The following TMEM131 variants were observed in gnomAD, a reference collection of about 807,000 sequenced individuals.
TMEM131 encodes transmembrane protein 131, also known as 2610524E03Rik.
In TMEM131, 66 loss-of-function variants were observed where a neutral mutation model predicts 211.6. The ratio of observed to expected loss-of-function variants is 0.31; its 90% CI spans 0.26 to 0.38. TMEM131 has a LOEUF of 0.38. Ranked by LOEUF, TMEM131 falls within the 10% of genes least tolerant of loss-of-function variation. The pLI is 1.00. For synonymous variants in TMEM131, 844 were observed against 841.3 expected, an observed-to-expected ratio of 1.00 and a Z score of -0.06; for missense variants, 2,036 against 2,299.3, an observed-to-expected ratio of 0.89 and a Z score of 2.34.
intron 1 of TMEM131, among the ~76,000 whole-genome samples, chr2:97,946,566 A>G (rs1047036636): frequency 5.3e-4 from 81 of 152,164 alleles, no homozygotes; most frequent in African/African-American, 1.8e-3. Context: ...GAATAGGCTT[A>G]TATGTACTTA....
intron 1 of TMEM131, 99 bp downstream of exon 1, chr2:97,995,377 G>A (rs966040588): frequency 9.6e-5 from 115 of 1,197,086 alleles, no homozygotes; most frequent in Admixed American, 1.7e-4. Flanking sequence ...CTTTGCGCCG[G>A]AGCCCCGGCC....
intron 4 of TMEM131, among the ~76,000 whole-genome samples, chr2:97,876,479 G>C (rs532905403): frequency 6.6e-6 from 1 of 150,496 alleles, no homozygotes; most frequent in South Asian, 2.1e-4. Context: ...AAACTGAATA[G>C]CACATCAAAA....
At position 97,796,348 on chromosome 2, in the gene TMEM131, T is replaced by A; in HGVS notation, c.3070A>T (p.Thr1024Ser). 6.5e-7 allele frequency: 1 copy of A among 1,549,688 alleles called. No homozygotes were observed. The highest frequency in any genetic ancestry group is 1.2e-5 in the South Asian group (1 of 81,824). ...TLKRTFKVEN[T>S]GQLQIHIETI... ...TCTATGTGAATTTGAAGTTGTCCTG[T>A]ATTCTCTACCTTAAATGTTCTTTTC... The change falls in exon 28 of 41, where the codon ACA becomes TCA. Residue 1024 changes from threonine to serine, a missense_variant. By Grantham distance (58) the Thr-to-Ser change is moderately conservative. Transcript: ENST00000186436.
chr2:97,768,983 C>A (rs564410632), intron 33 of TMEM131, among the ~76,000 whole-genome samples: 1 of 150,434 alleles, frequency 6.6e-6, no homozygotes, highest in African/African-American at 2.4e-5. Flanking sequence ...GGGTCTCAGT[C>A]TGTTGCTCAG....
intron 1 of TMEM131, among the ~76,000 whole-genome samples, chr2:97,963,225 T>C (rs1230617821): frequency 1.3e-5 from 2 of 152,224 alleles, no homozygotes; most frequent in Admixed American, 6.5e-5. Flanking sequence ...AGTTTAGTCA[T>C]GTTCAACCTT....
At chr2:97,933,184 A>G (rs1477399935) in intron 1 of TMEM131, among the ~76,000 whole-genome samples, 1 of 152,198 alleles carries the variant, frequency 6.6e-6, no homozygotes, top group African/African-American at 2.4e-5. Context: ...TTCCACGTTG[A>G]GTGATGCGTG....
At chr2:97,820,643 G>A (rs1487364377) in intron 11 of TMEM131, among the ~76,000 whole-genome samples, 4 of 152,128 alleles carry the variant, frequency 2.6e-5, no homozygotes, top group East Asian at 1.9e-4. Flanking sequence ...TGGATCATGA[G>A]GTCAGGAGTT....
intron 4 of TMEM131, among the ~76,000 whole-genome samples, chr2:97,872,755 T>C (rs1674541301): frequency 6.6e-6 from 1 of 152,174 alleles, no homozygotes; most frequent in Non-Finnish European, 1.5e-5. Flanking sequence ...AACCAGGAGA[T>C]TCCCTCCGGT....
Position 97,811,221 on chromosome 2 carries a change from A to G in TMEM131, c.1875T>C (p.Ala625=). ...CTCTGAAGACTGCAAAATAGCCTGA[A>G]GCTAATGTTACCTGTAGATAGTAGA... ...SLSDQSSVTL[A]SGYFAVFRVK... Residue 625 remains alanine, a synonymous_variant, in exon 18 of 41, where the codon GCT becomes GCC. Transcript: ENST00000186436. The G allele has an allele frequency of 1.2e-6, 2 of 1,613,038 alleles. No homozygotes were observed. The highest frequency in any genetic ancestry group is 1.7e-6 in the Non-Finnish European group (2 of 1,179,132).
At chr2:97,914,319 T>C (rs1343397367) in intron 2 of TMEM131, among the ~76,000 whole-genome samples, 1 of 152,240 alleles carries the variant, frequency 6.6e-6, no homozygotes, top group Non-Finnish European at 1.5e-5. Flanking sequence ...GCAAACACTA[T>C]GGCATAACAT....
chr2:97,815,802 C>G (rs938294141), intron 12 of TMEM131, among the ~76,000 whole-genome samples: 13 of 152,086 alleles, frequency 8.5e-5, no homozygotes, highest in South Asian at 4.1e-4. Flanking sequence ...GGCAAAATTA[C>G]CCCCCACTTA....
At chr2:97,760,374 C>T (rs1055621123) in intron 38 of TMEM131, 1 of 574,010 alleles carries the variant, frequency 1.7e-6, no homozygotes, top group East Asian at 3.0e-5. Context: ...GGCATGGGTG[C>T]CCCCTTTCTC....
chr2:97,885,745 C>T (rs1167502942), intron 4 of TMEM131, among the ~76,000 whole-genome samples: 1 of 152,120 alleles, frequency 6.6e-6, no homozygotes, highest in East Asian at 1.9e-4. Context: ...CTATAATGTG[C>T]CTCAGAGATA....
Position 97,766,140 on chromosome 2 carries a change from G to C in TMEM131, c.4697C>G (p.Ser1566Cys). 2.5e-6 allele frequency: 4 copies of C among 1,614,030 alleles called. No homozygotes were observed. Among genetic ancestry groups the C allele is most frequent in the Non-Finnish European group, 3.4e-6 (4 of 1,179,890 alleles). Residue 1566 changes from serine to cysteine, a missense_variant, in exon 35 of 41, where the codon TCC (serine) becomes TGC (cysteine). By Grantham distance (112) the Ser-to-Cys change is moderately radical. Coordinates refer to ENST00000186436, the MANE Select transcript of TMEM131 (RefSeq NM_015348.2). ...EKDSPPPEWDSVPVHKPGSST... is the reference protein window; with the variant it reads ...EKDSPPPEWDCVPVHKPGSST... Reference sequence around the variant, plus strand: ...GCTGCCAGGTTTGTGAACTGGAACGGAATCCCACTCCGGTGGAGGAGAGTC... The same window carrying C: ...GCTGCCAGGTTTGTGAACTGGAACGCAATCCCACTCCGGTGGAGGAGAGTC...
chr2:97,798,362 C>A (rs1450111283), intron 25 of TMEM131, among the ~76,000 whole-genome samples: 2 of 152,232 alleles, frequency 1.3e-5, no homozygotes, highest in African/African-American at 4.8e-5. Flanking sequence ...ACCAGTTCTT[C>A]ATGGCTTCTG....
In TMEM131 at chr2:97,792,543, A is replaced by G. The variant is rs1229776908; in HGVS notation, c.3987T>C (p.Pro1329=). 3.7e-6 allele frequency: 6 copies of G among 1,613,176 alleles called. No homozygotes were observed. Among genetic ancestry groups the G allele is most frequent in the Non-Finnish European group, 5.1e-6 (6 of 1,179,644 alleles). The change falls in exon 31 of 41, where the codon CCT becomes CCC. Residue 1329 remains proline, a synonymous_variant. Coordinates refer to ENST00000186436, the MANE Select transcript of TMEM131 (RefSeq NM_015348.2). Reference sequence around the variant, plus strand: ...CGCTGCTGGCACGTTCTGGGTGGGAAGGGTGTGCGAGGGGGGCGGGAGACA... The same window carrying G: ...CGCTGCTGGCACGTTCTGGGTGGGAGGGGTGTGCGAGGGGGGCGGGAGACA... ...ERLSPAPLAH[P]SHPERASSAR...
At chr2:97,959,367 A>G (rs1678713676) in intron 1 of TMEM131, among the ~76,000 whole-genome samples, 1 of 152,166 alleles carries the variant, frequency 6.6e-6, no homozygotes, top group Non-Finnish European at 1.5e-5. Flanking sequence ...CTTCAGCCCC[A>G]TGGTCAAGGC....
At position 97,757,024 on chromosome 2, in the gene TMEM131, T is replaced by TA; in HGVS notation, c.*74dup. 1.4e-6 allele frequency: 2 copies of TA among 1,474,464 alleles called. No individual in the cohort carries two copies. The highest frequency in any genetic ancestry group is 1.8e-6 in the Non-Finnish European group (2 of 1,109,832). The allele number at this position is 1,474,464 out of a possible 1,614,324, so 91.3% of individuals were successfully genotyped here. ...GGGAGGGGAGCTGCAGTAAGAGCCT[T>TA]AAAAAGATGTCTCAGAAACTGGCAC... On this transcript the variant is annotated 3_prime_UTR_variant, in exon 41 of 41. Transcript: ENST00000186436.
chr2:97,757,614 C>T (rs1678565359), intron 40 of TMEM131, among the ~76,000 whole-genome samples: 1 of 152,200 alleles, frequency 6.6e-6, no homozygotes. Flanking sequence ...TGCCTCACTG[C>T]AGCCTCAAAC....
Sources: allele counts gnomAD v4.1 joint callset (sites outside exome capture counted in the v4.1 genomes callset), GRCh38; gene constraint gnomAD v4.1.1; transcripts MANE v1.5; gene names NCBI Gene and HGNC (gene_info 2026-07-23, HGNC 2026-07-21).